The following FBXL7 variants were observed in gnomAD, a reference collection of about 807,000 sequenced individuals.
The protein encoded by FBXL7 is F-box/LRR-repeat protein 7.
Under a neutral mutation model 38.3 loss-of-function variants are expected in FBXL7, and 12 were observed. The observed-to-expected ratio is 0.31, with a 90% confidence interval of 0.20 to 0.51. The LOEUF (loss-of-function observed/expected upper bound fraction) is 0.51, where lower values mean the gene tolerates loss of function less well. Among genes scored for constraint, FBXL7 ranks in the 20% least tolerant of loss-of-function variants. The pLI is 0.98. For synonymous variants in FBXL7, 297 were observed against 300.9 expected, an observed-to-expected ratio of 0.99 and a Z score of 0.13; for missense variants, 567 against 676.4, an observed-to-expected ratio of 0.84 and a Z score of 1.79.
chr5:15,778,411 T>G (rs1736911297), intron 2 of FBXL7, among the ~76,000 whole-genome samples: 1 of 152,136 alleles, frequency 6.6e-6, no homozygotes, highest in Non-Finnish European at 1.5e-5. Flanking sequence ...ACCATAGTTC[T>G]CAACGCTGGG....
At chr5:15,759,974 T>C (rs1736396363) in intron 2 of FBXL7, among the ~76,000 whole-genome samples, 1 of 152,162 alleles carries the variant, frequency 6.6e-6, no homozygotes, top group African/African-American at 2.4e-5. Flanking sequence ...CTAGGTGGAA[T>C]CAATGAATGA....
At chr5:15,803,834 C>G (rs1045704344) in intron 2 of FBXL7, among the ~76,000 whole-genome samples, 1 of 152,182 alleles carries the variant, frequency 6.6e-6, no homozygotes, top group Non-Finnish European at 1.5e-5. Context: ...GTGAGGAAAT[C>G]AGGCACTCCG....
chr5:15,934,882 A>G (rs1019405612), intron 3 of FBXL7, among the ~76,000 whole-genome samples: 29 of 152,346 alleles, frequency 1.9e-4, no homozygotes, highest in African/African-American at 6.5e-4. Flanking sequence ...CAAAACTTAC[A>G]TTCCAGAGTG....
chr5:15,817,795 A>C (rs572267638), intron 2 of FBXL7, among the ~76,000 whole-genome samples: 89 of 152,302 alleles, frequency 5.8e-4, no homozygotes, highest in African/African-American at 2.1e-3. Flanking sequence ...CGAGTCCACT[A>C]AACCTCTATT....
intron 2 of FBXL7, among the ~76,000 whole-genome samples, chr5:15,802,206 G>C (rs1737588506): frequency 6.6e-6 from 1 of 151,930 alleles, no homozygotes; most frequent in African/African-American, 2.4e-5. Context: ...TCCCTCCTTT[G>C]GATCTTCCTC....
rs763192383 is a variant in FBXL7, at chr5:15,936,638, C to T, written c.928C>T (p.Arg310Cys). ...LTHLYLRRCVRLTDEGLRYLV... is the reference protein window; with the variant it reads ...LTHLYLRRCVCLTDEGLRYLV... The stretch of plus-strand genomic sequence containing the variant: ...CCACCTCTACCTGCGCCGCTGCGTC[C>T]GCCTGACCGACGAAGGCCTGCGCTA... The change falls in exon 4 of 4, where the codon CGC becomes TGC. Residue 310 changes from arginine (R) to cysteine (C), a missense_variant. Arg to Cys is a radical substitution (Grantham distance 180). Coordinates refer to ENST00000504595, the MANE Select transcript of FBXL7 (RefSeq NM_012304.5). This position sits in a 1 kb window ranked among gnomAD's most constrained non-coding sequence, Gnocchi z 6.0. 5.0e-6 allele frequency: 8 copies of T among 1,608,806 alleles called. No homozygotes were observed. The highest frequency in any genetic ancestry group is 2.7e-5 in the African/African-American group (2 of 74,936).
chr5:15,675,764 G>A (rs1742633602), intron 2 of FBXL7, among the ~76,000 whole-genome samples: 1 of 152,180 alleles, frequency 6.6e-6, no homozygotes, highest in South Asian at 2.1e-4. Flanking sequence ...TAGTTTGAAC[G>A]CTTTTAATAG....
intron 2 of FBXL7, among the ~76,000 whole-genome samples, chr5:15,913,099 A>G (rs916628082): frequency 6.6e-6 from 1 of 152,186 alleles, no homozygotes; most frequent in Non-Finnish European, 1.5e-5. Flanking sequence ...CCAAGCATTT[A>G]AAAATGTTAA....
intron 2 of FBXL7, among the ~76,000 whole-genome samples, chr5:15,825,570 T>C (rs1265571133): frequency 6.6e-6 from 1 of 152,216 alleles, no homozygotes; most frequent in Non-Finnish European, 1.5e-5. Flanking sequence ...TTGAATAAAG[T>C]AGACCTGTCA....
At chr5:15,643,996 C>CA (rs1267911903) in intron 2 of FBXL7, among the ~76,000 whole-genome samples, 2 of 152,100 alleles carry the variant, frequency 1.3e-5, no homozygotes, top group African/African-American at 4.8e-5. Context: ...TACTTTCATT[C>CA]ATTAAGAGGG....
At chr5:15,527,297 C>T (rs1737277793) in intron 1 of FBXL7, among the ~76,000 whole-genome samples, 1 of 151,842 alleles carries the variant, frequency 6.6e-6, no homozygotes, top group Non-Finnish European at 1.5e-5. Flanking sequence ...TATCATAATC[C>T]CTAAATTTAA....
rs536741497 is a variant in FBXL7 at position 15,653,247 on chromosome 5, G to GA, written c.127+37181dup. ...AAGCACAAAGTGAATTCCTGCTGTT[G>GA]AAAAAATGGTGCCAGTAGACTTGCT... On this transcript the variant is annotated intron_variant, in intron 2 of 3. Transcript: ENST00000504595. Among the ~76,000 whole-genome samples the GA allele has an allele frequency of 3.9e-4, 59 of 152,224 alleles. 1 individual carries two copies. Among genetic ancestry groups the GA allele is most frequent in the African/African-American group, 1.3e-3 (56 of 41,562 alleles).
At chr5:15,819,841 T>C (rs1738123759) in intron 2 of FBXL7, among the ~76,000 whole-genome samples, 1 of 152,186 alleles carries the variant, frequency 6.6e-6, no homozygotes, top group Admixed American at 6.5e-5. Flanking sequence ...AGAGAATAGC[T>C]ACTTCAGAAG....
At chr5:15,687,103 C>T (rs1057236627) in intron 2 of FBXL7, among the ~76,000 whole-genome samples, 1 of 152,224 alleles carries the variant, frequency 6.6e-6, no homozygotes, top group Admixed American at 6.5e-5. Flanking sequence ...TTTTCTCCTG[C>T]TCCCATTAAA....
At chr5:15,569,222 G>T (rs1738685596) in intron 1 of FBXL7, among the ~76,000 whole-genome samples, 1 of 152,108 alleles carries the variant, frequency 6.6e-6, no homozygotes, top group Admixed American at 6.5e-5. Context: ...CTACCTATGA[G>T]CATGGAATGT....
chr5:15,843,504 A>G (rs1738805646), intron 2 of FBXL7, among the ~76,000 whole-genome samples: 2 of 152,208 alleles, frequency 1.3e-5, no homozygotes, highest in African/African-American at 4.8e-5. Flanking sequence ...TTGAGTGATC[A>G]TGGAATTAAA....
intron 1 of FBXL7, among the ~76,000 whole-genome samples, chr5:15,587,948 C>CT (rs552080100): frequency 2.0e-5 from 3 of 151,522 alleles, no homozygotes; most frequent in African/African-American, 4.8e-5. Context: ...GTTTTTCAAA[C>CT]TTTTTTTTTG....
intron 2 of FBXL7, among the ~76,000 whole-genome samples, chr5:15,637,227 G>A (rs1741216416): frequency 6.6e-6 from 1 of 152,172 alleles, no homozygotes; most frequent in South Asian, 2.1e-4. Flanking sequence ...CCAATGGGCA[G>A]AAATTGGAGC....
chr5:15,916,984 T>C (rs2126437460), intron 2 of FBXL7, among the ~76,000 whole-genome samples: 1 of 152,336 alleles, frequency 6.6e-6, no homozygotes, highest in South Asian at 2.1e-4. Context: ...GTATCACTTT[T>C]CATAGACTCT....
Sources: gnomAD v4.1 joint callset for allele counts (sites outside exome capture counted in the v4.1 genomes callset) on GRCh38, gnomAD v4.1.1 for gene constraint, Gnocchi (gnomAD v3.1) non-coding constraint, MANE v1.5 for transcripts, NCBI Gene and HGNC (gene_info 2026-07-23, HGNC 2026-07-21) for gene names.